Variants in FPGT observed in about 807,000 individuals in gnomAD.
FPGT encodes the protein fucose-1-phosphate guanylyltransferase.
Under a neutral mutation model 45.8 loss-of-function variants are expected in FPGT, and 41 were observed. That is an observed-to-expected ratio of 0.90 (90% confidence interval 0.70 to 1.16). The LOEUF (loss-of-function observed/expected upper bound fraction) is 1.16. Among genes scored for constraint, FPGT ranks in the 50% most tolerant of loss-of-function variants. The pLI is 0.00. For missense variants in FPGT, 755 were observed against 689.1 expected (o/e 1.10, Z -1.07); for synonymous variants, 292 against 247.2 (o/e 1.18, Z -1.70).
chr1:74,203,896 G>A (rs867956154), intron 3 of FPGT, among the ~76,000 whole-genome samples: 1 of 151,854 alleles, frequency 6.6e-6, no homozygotes, highest in African/African-American at 2.4e-5. Context: ...ACAAAAATTA[G>A]CCAGGCGTGG....
At chr1:74,202,959 A>G (rs950778521) in intron 3 of FPGT, among the ~76,000 whole-genome samples, 5 of 152,184 alleles carry the variant, frequency 3.3e-5, no homozygotes, top group Non-Finnish European at 7.4e-5. Flanking sequence ...TATGATAACA[A>G]TGCTGCCTTC....
rs1308142596 is a variant in FPGT at position 74,205,618 on chromosome 1, C to T, written c.1571C>T (p.Thr524Ile). 1.2e-6 allele frequency: 2 copies of T among 1,612,262 alleles called. No homozygotes were observed. The change falls in exon 4 of 4, where the codon ACT (threonine) becomes ATT (isoleucine). Residue 524 changes from threonine to isoleucine, a missense_variant. Transcript: ENST00000370898. ...SGNKTCLSLW[T>I]ARIFPVCSSL... ...AACAAGACATGTCTGAGTTTGTGGA[C>T]TGCACGCATTTTCCCAGTTTGTTCT...
rs1557672462 is a variant in FPGT, at chr1:74,204,461, C to T, written c.414C>T (p.Asn138=). Residue 138 remains asparagine, a synonymous_variant, in exon 4 of 4, where the codon AAC becomes AAT. Coordinates refer to ENST00000370898, the MANE Select transcript of FPGT (RefSeq NM_003838.5). Reference sequence around the variant, plus strand: ...TTTTCACTGCTTTACCTCTTGGTAACCCCATTTATCAGATGCTAGAATTAA... The same window carrying T: ...TTTTCACTGCTTTACCTCTTGGTAATCCCATTTATCAGATGCTAGAATTAA... ...GKIFTALPLG[N]PIYQMLELKL... The T allele has an allele frequency of 1.2e-6, 2 of 1,607,600 alleles. No homozygotes were observed. The highest frequency in any genetic ancestry group is 1.3e-5 in the African/African-American group (1 of 74,836).
At chr1:74,200,260 A>G (rs1651666096) in intron 2 of FPGT, among the ~76,000 whole-genome samples, 1 of 152,210 alleles carries the variant, frequency 6.6e-6, no homozygotes, top group Non-Finnish European at 1.5e-5. Flanking sequence ...TGGCTTAAAT[A>G]TAATACATAT....
At position 74,205,781 on chromosome 1, in the gene FPGT, T is replaced by C; in HGVS notation, c.1734T>C (p.Thr578=). 1 of 1,585,352 alleles carries C rather than the reference T, an allele frequency of 6.3e-7. No individual in the cohort carries two copies. The highest frequency in any genetic ancestry group is 1.1e-5 in the South Asian group (1 of 89,100). ...ACAAAGATGTAGAAGATATGATAACTTACAGGGAACAAATTTTTCTAGAAA... is the reference window on the plus strand; with the variant it reads ...ACAAAGATGTAGAAGATATGATAACCTACAGGGAACAAATTTTTCTAGAAA... ...LIYKDVEDMI[T]YREQIFLEIS... The change falls in exon 4 of 4, where the codon ACT becomes ACC. Residue 578 remains threonine (T), a synonymous_variant. Coordinates refer to ENST00000370898, the MANE Select transcript of FPGT (RefSeq NM_003838.5).
Position 74,204,632 on chromosome 1 carries a change from T to A in FPGT, c.585T>A (p.Ser195=). 1 of 1,613,866 alleles carries A rather than the reference T, an allele frequency of 6.2e-7. No homozygotes were observed. The change falls in exon 4 of 4, where the codon TCT becomes TCA. Residue 195 remains serine, a synonymous_variant. Coordinates refer to ENST00000370898, the MANE Select transcript of FPGT (RefSeq NM_003838.5). The part of the protein sequence containing the change: ...KPGFTALAHP[S]SLTIGTTHGV... ...GCTTTACTGCTTTAGCTCATCCTTC[T>A]AGTTTGACGATAGGTACCACACATG...
At position 74,204,825 on chromosome 1, in the gene FPGT, G is replaced by T. The variant is rs760356366; in HGVS notation, c.778G>T (p.Asp260Tyr). The stretch of plus-strand genomic sequence containing the variant: ...GGACTTTGCTGGGGGTGACATTGCC[G>T]ATCTTAAATTAGACTCTGACTATGT... ...QQDFAGGDIADLKLDSDYVYT... is the reference protein window; with the variant it reads ...QQDFAGGDIAYLKLDSDYVYT... The change falls in exon 4 of 4, where the codon GAT becomes TAT. Residue 260 changes from aspartate (D) to tyrosine (Y), a missense_variant. Transcript: ENST00000370898. The T allele has an allele frequency of 1.2e-6, 2 of 1,613,318 alleles. No homozygotes were observed. The highest frequency in any genetic ancestry group is 1.7e-6 in the Non-Finnish European group (2 of 1,179,900).
chr1:74,203,982 T>C (rs1399973564), intron 3 of FPGT, among the ~76,000 whole-genome samples: 2 of 150,768 alleles, frequency 1.3e-5, no homozygotes, highest in Non-Finnish European at 2.9e-5. Flanking sequence ...ACGGAGGTTG[T>C]GGTGAGCCAA....
At chr1:74,203,816 T>C (rs990640475) in intron 3 of FPGT, among the ~76,000 whole-genome samples, 34 of 151,652 alleles carry the variant, frequency 2.2e-4, no homozygotes, top group African/African-American at 7.3e-4. Context: ...CCGAGTTGGG[T>C]GAATCACCTG....
intron 2 of FPGT, among the ~76,000 whole-genome samples, chr1:74,200,165 A>G (rs1486711987): frequency 6.6e-6 from 1 of 152,206 alleles, no homozygotes; most frequent in African/African-American, 2.4e-5. Context: ...TCCTCCAGCA[A>G]TTTACATGAA....
At position 74,205,317 on chromosome 1, in the gene FPGT, T is replaced by C. The variant is rs763080277; in HGVS notation, c.1270T>C (p.Leu424=). ...APGSVVEYSR[L]GPDVSVGENC... is the part of the protein sequence containing the mutation. ...TGGCTCAGTTGTGGAGTATTCCAGA[T>C]TGGGGCCTGATGTTTCAGTTGGGGA... The change falls in exon 4 of 4, where the codon TTG becomes CTG. Residue 424 remains leucine, a synonymous_variant. Transcript: ENST00000370898. 30 of 1,613,964 alleles carry C rather than the reference T, an allele frequency of 1.9e-5. 1 individual carries two copies. The highest frequency in any genetic ancestry group is 9.3e-5 in the African/African-American group (7 of 74,910).
rs1245637505 is a variant in FPGT at position 74,205,697 on chromosome 1, C to A, written c.1650C>A (p.Asn550Lys). The change falls in exon 4 of 4, where the codon AAC becomes AAA. Residue 550 changes from asparagine to lysine, a missense_variant. By Grantham distance (94) the Asn-to-Lys change is moderately conservative. Transcript: ENST00000370898. Reference protein sequence around the residue: ...TSLKMLNAVKNKSAFSLNSYK... With the variant: ...TSLKMLNAVKKKSAFSLNSYK... ...TAAAGATGTTAAATGCTGTTAAGAA[C>A]AAGTCAGCATTCAGCCTGAATAGCT... 1 of 1,612,204 alleles carries A rather than the reference C, an allele frequency of 6.2e-7. No homozygotes were observed. The highest frequency in any genetic ancestry group is 8.5e-7 in the Non-Finnish European group (1 of 1,178,426).
Position 74,206,905 on chromosome 1 carries a change from A to G in FPGT, c.*1073A>G, listed in dbSNP as rs780349505. On this transcript the variant is annotated 3_prime_UTR_variant, in exon 4 of 4. Transcript: ENST00000370898. ...AAAGATTTGTCAGTGTGTTTTTTTAAATGAAATAACTAGTCTGTGCTACTT... is the reference window on the plus strand; with the variant it reads ...AAAGATTTGTCAGTGTGTTTTTTTAGATGAAATAACTAGTCTGTGCTACTT... The G allele has an allele frequency of 1.3e-5, 2 of 152,096 alleles. No homozygotes were observed. Among genetic ancestry groups the G allele is most frequent in the Non-Finnish European group, 2.9e-5 (2 of 67,960 alleles). 9.4% of individuals were successfully genotyped at this position (152,096 alleles called of 1,614,324 possible).
Position 74,208,484 on chromosome 1 carries a change from A to G in FPGT, c.*2652A>G, listed in dbSNP as rs1570324066. Among the ~76,000 whole-genome samples the G allele has an allele frequency of 1.3e-5, 2 of 152,070 alleles. No individual in the cohort carries two copies. The highest frequency in any genetic ancestry group is 2.9e-5 in the Non-Finnish European group (2 of 67,962). On this transcript the variant is annotated 3_prime_UTR_variant, in exon 4 of 4. Transcript: ENST00000370898. ...ATTTTATAATTTTTATTTTTATGAA[A>G]TCATGGCACTTACATCATATACTCA...
At chr1:74,199,619 A>G in intron 1 of FPGT, 45 bp from the exon 2 acceptor site, 1 of 1,590,482 alleles carries the variant, frequency 6.3e-7, no homozygotes, top group Non-Finnish European at 8.5e-7. Flanking sequence ...GCAACTAGAA[A>G]ATTCTGATAA....
At position 74,205,352 on chromosome 1, in the gene FPGT, T is replaced by A. The variant is rs1296262765; in HGVS notation, c.1305T>A (p.Ile435=). The A allele has an allele frequency of 6.2e-7, 1 of 1,614,028 alleles. No individual in the cohort carries two copies. The highest frequency in any genetic ancestry group is 1.7e-5 in the Admixed American group (1 of 59,986). ...GPDVSVGENC[I]ISGSYILTKA... The stretch of plus-strand genomic sequence containing the variant: ...ATGTTTCAGTTGGGGAAAACTGCAT[T>A]ATTAGTGGTTCTTACATCCTAACAA... Residue 435 remains isoleucine (I), a synonymous_variant, in exon 4 of 4, where the codon ATT becomes ATA. Transcript: ENST00000370898.
chr1:74,203,925 C>G (rs1652036102), intron 3 of FPGT, among the ~76,000 whole-genome samples: 1 of 151,514 alleles, frequency 6.6e-6, no homozygotes, highest in Admixed American at 6.6e-5. Flanking sequence ...GCCTGTAATC[C>G]CAGCTACTCG....
rs1432711676 is a variant in FPGT, at chr1:74,205,030, C to CAGAGTTGGTAGAAATG, written c.986_1001dup (p.Gln335ValfsTer13). 6.2e-7 allele frequency: 1 copy of CAGAGTTGGTAGAAATG among 1,613,560 alleles called. No homozygotes were observed. Among genetic ancestry groups the CAGAGTTGGTAGAAATG allele is most frequent in the Non-Finnish European group, 8.5e-7 (1 of 1,179,678 alleles). The stretch of plus-strand genomic sequence containing the variant: ...ACATCAAATGTCATTAAAGAAGAGT[C>CAGAGTTGGTAGAAATG]AGAGTTGGTAGAAATGAGGCAGAGA... On this transcript the variant is annotated frameshift_variant, in exon 4 of 4. Transcript: ENST00000370898. LOFTEE classifies it high-confidence loss of function.
At chr1:74,203,398 T>G (rs76170730) in intron 3 of FPGT, among the ~76,000 whole-genome samples, 2 of 151,612 alleles carry the variant, frequency 1.3e-5, no homozygotes, top group East Asian at 4.0e-4. Context: ...TAGATTTTTT[T>G]TTTTTTTTGA....
Sources: gnomAD v4.1 joint callset for allele counts (sites outside exome capture counted in the v4.1 genomes callset) on GRCh38, gnomAD v4.1.1 for gene constraint, MANE v1.5 for transcripts, NCBI Gene and HGNC (gene_info 2026-07-23, HGNC 2026-07-21) for gene names.